The following SLC26A7 variants were observed in gnomAD, a reference collection of about 807,000 sequenced individuals.
The protein encoded by SLC26A7 is anion exchange transporter.
A neutral mutation model predicts 82.5 loss-of-function variants in SLC26A7; 59 were observed. The observed-to-expected ratio is 0.72, with a 90% CI of 0.58 to 0.89. SLC26A7 has a LOEUF of 0.89. Among genes scored for constraint, SLC26A7 ranks in the 40% least tolerant of loss-of-function variants. The pLI, the probability that SLC26A7 is intolerant of heterozygous loss-of-function variation, is 0.00. For synonymous variants in SLC26A7, 271 were observed against 274.3 expected, an observed-to-expected ratio of 0.99 and a Z score of 0.12; for missense variants, 820 against 793.0, an observed-to-expected ratio of 1.03 and a Z score of -0.41.
chr8:91,325,256 G>A (rs1812900613), intron 5 of SLC26A7, among the ~76,000 whole-genome samples: 1 of 152,138 alleles, frequency 6.6e-6, no homozygotes, highest in Admixed American at 6.6e-5. Context: ...GACATTAAAT[G>A]AATCACTGTG....
upstream of SLC26A7, among the ~76,000 whole-genome samples, chr8:91,245,595 G>A (rs1810534291): frequency 6.6e-6 from 1 of 152,072 alleles, no homozygotes; most frequent in African/African-American, 2.4e-5. Flanking sequence ...GTTTGGGGTT[G>A]ATAACTTCCA....
chr8:91,300,802 A>C (rs1812146587), intron 4 of SLC26A7, among the ~76,000 whole-genome samples: 1 of 152,244 alleles, frequency 6.6e-6, no homozygotes, highest in Admixed American at 6.5e-5. Flanking sequence ...TTGTGAAAAC[A>C]GTGGGCATTC....
At chr8:91,305,097 C>T (rs531978863) in intron 4 of SLC26A7, among the ~76,000 whole-genome samples, 22 of 152,254 alleles carry the variant, frequency 1.4e-4, no homozygotes, top group African/African-American at 4.8e-4. Flanking sequence ...CTGTGAGTCT[C>T]TATAGAACAG....
chr8:91,376,247 A>G (rs926397420), intron 15 of SLC26A7, among the ~76,000 whole-genome samples: 1 of 152,160 alleles, frequency 6.6e-6, no homozygotes, highest in Non-Finnish European at 1.5e-5. Flanking sequence ...GGTTAGAATC[A>G]ATTGCTAGAA....
At chr8:91,392,546 G>T (rs1427535292) in intron 16 of SLC26A7, among the ~76,000 whole-genome samples, 1 of 152,052 alleles carries the variant, frequency 6.6e-6, no homozygotes, top group Non-Finnish European at 1.5e-5. Context: ...TAATATCATT[G>T]CATATTATTT....
rs1200215118 is a variant in SLC26A7, at chr8:91,369,912, C to A, written c.1675+79C>A. ...CAGAGAATAAAATCTTCTTCCCCTT[C>A]TCCTCCTCATCTGCCTCCCTCTTCT... On this transcript the variant is annotated intron_variant, in intron 15 of 18. Coordinates refer to ENST00000276609, the MANE Select transcript of SLC26A7 (RefSeq NM_052832.4). The A allele has an allele frequency of 9.9e-6, 11 of 1,114,978 alleles. No homozygotes were observed. The East Asian group carries it at 2.3e-4, about 23-fold the overall frequency. 69.1% of individuals were successfully genotyped at this position (1,114,978 alleles called of 1,614,324 possible). A position where few individuals can be genotyped will look rare whatever the true frequency, so the allele number is the denominator to read the frequency against.
chr8:91,277,768 T>C (rs1811444201), intron 2 of SLC26A7, among the ~76,000 whole-genome samples: 6 of 152,238 alleles, frequency 3.9e-5, no homozygotes. Flanking sequence ...AAACTTCACA[T>C]ATTATTAACT....
chr8:91,282,765 G>A (rs927336316), intron 2 of SLC26A7, among the ~76,000 whole-genome samples: 16 of 152,230 alleles, frequency 1.1e-4, no homozygotes, highest in African/African-American at 3.9e-4. Flanking sequence ...TCATCACCTG[G>A]CACTTTGTCA....
intron 2 of SLC26A7, among the ~76,000 whole-genome samples, chr8:91,237,534 G>A (rs1810409908): frequency 6.6e-6 from 1 of 152,068 alleles, no homozygotes. Flanking sequence ...TGTAATCAGT[G>A]CCCTTTATCC....
intron 6 of SLC26A7, among the ~76,000 whole-genome samples, chr8:91,337,166 C>A (rs1235070360): frequency 6.6e-6 from 1 of 151,580 alleles, no homozygotes; most frequent in African/African-American, 2.4e-5. Flanking sequence ...TTTATAAAAC[C>A]TCTGCAAATT....
intron 4 of SLC26A7, among the ~76,000 whole-genome samples, chr8:91,312,473 T>G (rs1383521112): frequency 1.3e-5 from 2 of 152,212 alleles, no homozygotes; most frequent in African/African-American, 4.8e-5. Flanking sequence ...TACCCCAAAA[T>G]GGAATTGTTG....
At chr8:91,214,649 A>G (rs968599391) in intron 1 of SLC26A7, among the ~76,000 whole-genome samples, 1 of 152,122 alleles carries the variant, frequency 6.6e-6, no homozygotes, top group African/African-American at 2.4e-5. Context: ...AAGGGATTAG[A>G]CCAGTCTCTT....
chr8:91,315,655 G>A (rs1206565677), intron 4 of SLC26A7, among the ~76,000 whole-genome samples: 1 of 152,134 alleles, frequency 6.6e-6, no homozygotes, highest in Non-Finnish European at 1.5e-5. Context: ...TCTTTATTAT[G>A]TATTAAATAA....
intron 2 of SLC26A7, among the ~76,000 whole-genome samples, chr8:91,255,198 C>G (rs1197052277): frequency 6.6e-6 from 1 of 151,980 alleles, no homozygotes; most frequent in African/African-American, 2.4e-5. Context: ...TTTCCCAAAC[C>G]ATGCAACTTT....
chr8:91,373,837 G>A (rs1247779186), intron 15 of SLC26A7, among the ~76,000 whole-genome samples: 1 of 152,020 alleles, frequency 6.6e-6, no homozygotes, highest in African/African-American at 2.4e-5. Context: ...GAATTAGCCT[G>A]TGAATCCATC....
intron 2 of SLC26A7, among the ~76,000 whole-genome samples, chr8:91,230,592 A>G (rs1810297867): frequency 6.6e-6 from 1 of 152,246 alleles, no homozygotes; most frequent in Non-Finnish European, 1.5e-5. Flanking sequence ...CAGGACCTCT[A>G]TCAGTGACCT....
intron 18 of SLC26A7, chr8:91,394,273 G>A (rs750948083): frequency 5.6e-6 from 9 of 1,613,268 alleles, no homozygotes; most frequent in Non-Finnish European, 6.8e-6. Context: ...CCACCGCTCT[G>A]AGGATTGGGT....
chr8:91,320,116 A>G lies in SLC26A7; in HGVS notation c.642+1736A>G, dbSNP rs113520660. 1.3e-3 allele frequency among the ~76,000 whole-genome samples: 198 copies of G among 152,058 alleles called. 2 individuals are homozygous for G. Among genetic ancestry groups the G allele is most frequent in the African/African-American group, 4.7e-3 (195 of 41,480 alleles). ...GTCTCACTTGTCACCAGGCTGGAGTACAGTGGCATGATCTTGGCTCACTGC... is the reference window on the plus strand; with the variant it reads ...GTCTCACTTGTCACCAGGCTGGAGTGCAGTGGCATGATCTTGGCTCACTGC... On this transcript the variant is annotated intron_variant, in intron 5 of 18. Coordinates refer to ENST00000276609, the MANE Select transcript of SLC26A7 (RefSeq NM_052832.4).
chr8:91,254,228 C>T (rs542567725), intron 2 of SLC26A7, among the ~76,000 whole-genome samples: 2 of 152,160 alleles, frequency 1.3e-5, no homozygotes, highest in African/African-American at 2.4e-5. Context: ...GACATGGTCA[C>T]GCAGGGCCCA....
Sources: allele counts gnomAD v4.1 joint callset (sites outside exome capture counted in the v4.1 genomes callset), GRCh38; gene constraint gnomAD v4.1.1; transcripts MANE v1.5; gene names NCBI Gene and HGNC (gene_info 2026-07-23, HGNC 2026-07-21).